Variants in ZSWIM5 observed in about 807,000 individuals in gnomAD.
ZSWIM5 encodes the protein zinc finger SWIM-type containing 5.
Under a neutral mutation model 119.6 loss-of-function variants are expected in ZSWIM5, and 55 were observed. The ratio of observed to expected loss-of-function variants is 0.46; its 90% CI spans 0.37 to 0.58. ZSWIM5 has a LOEUF of 0.58. Among genes scored for constraint, ZSWIM5 ranks in the 20% least tolerant of loss-of-function variants. The pLI is 0.00. For synonymous variants in ZSWIM5, 537 were observed against 606.9 expected (o/e 0.88, Z 1.69); for missense variants, 1,193 against 1,512.8 (o/e 0.79, Z 3.51).
intron 11 of ZSWIM5, among the ~76,000 whole-genome samples, chr1:45,023,246 C>T (rs921856823): frequency 6.6e-6 from 1 of 152,170 alleles, no homozygotes. Flanking sequence ...ATCTCTTTCT[C>T]CATTCCCTCT....
At chr1:45,105,026 G>A (rs533977411) in intron 1 of ZSWIM5, among the ~76,000 whole-genome samples, 2 of 152,310 alleles carry the variant, frequency 1.3e-5, no homozygotes, top group South Asian at 2.1e-4. Flanking sequence ...TCTTCGGCTC[G>A]CCGCAACCTC....
chr1:45,206,235 G>A lies in ZSWIM5; in HGVS notation c.116C>T (p.Ala39Val), dbSNP rs375749403. The change falls in exon 1 of 14, where the codon GCA becomes GTA. Residue 39 changes from alanine (A) to valine (V), a missense_variant. Ala to Val is a moderately conservative substitution (Grantham distance 64). Coordinates refer to ENST00000359600, the MANE Select transcript of ZSWIM5 (RefSeq NM_020883.2). ...QAHHPRGSPGAAGGGAGGVGS... is the reference protein window; with the variant it reads ...QAHHPRGSPGVAGGGAGGVGS... ...GACGCCCCCTGCCCCTCCGCCGGCT[G>A]CCCCAGGCGAACCGCGAGGGTGATG... 3.2e-6 allele frequency: 5 copies of A among 1,584,112 alleles called. No individual in the cohort carries two copies. In the South Asian group the frequency reaches 3.4e-5, roughly 11 times the overall value.
chr1:45,030,392 A>G (rs895515868), intron 11 of ZSWIM5, among the ~76,000 whole-genome samples: 1 of 152,002 alleles, frequency 6.6e-6, no homozygotes, highest in African/African-American at 2.4e-5. Flanking sequence ...GATTACAGGC[A>G]TGTGCCACCA....
At chr1:45,070,514 T>G in intron 2 of ZSWIM5, 5 of 664,890 alleles carry the variant, frequency 7.5e-6, no homozygotes, top group Non-Finnish European at 1.2e-5. Flanking sequence ...CCATCAAATT[T>G]GTAATATTCA....
chr1:45,028,185 C>G (rs1267574106), intron 11 of ZSWIM5, among the ~76,000 whole-genome samples: 1 of 152,168 alleles, frequency 6.6e-6, no homozygotes, highest in Admixed American at 6.5e-5. Flanking sequence ...TTCTTTGATG[C>G]ACAAAAGATT....
intron 2 of ZSWIM5, among the ~76,000 whole-genome samples, chr1:45,066,017 C>T (rs1270930973): frequency 1.7e-5 from 2 of 120,576 alleles, no homozygotes; most frequent in African/African-American, 6.2e-5. Context: ...CCCCCCTCCC[C>T]CCACCCCACA....
At chr1:45,085,449 G>A (rs968426021) in intron 2 of ZSWIM5, among the ~76,000 whole-genome samples, 3 of 151,912 alleles carry the variant, frequency 2.0e-5, no homozygotes, top group Non-Finnish European at 2.9e-5. Context: ...TCTACCATAC[G>A]GCCAGGCTGA....
At chr1:45,172,914 A>T (rs375157037) in intron 1 of ZSWIM5, among the ~76,000 whole-genome samples, 1 of 152,108 alleles carries the variant, frequency 6.6e-6, no homozygotes, top group South Asian at 2.1e-4. Flanking sequence ...CTATAATCCC[A>T]ATGCTTTCGG....
In ZSWIM5 at chr1:45,017,013, G is replaced by A. The variant is rs1031104581; in HGVS notation, c.*1441C>T. ...GAGGAAGCTTGAGGTAGAAAGGCAG[G>A]GGAAGAAAGCAAGTATGAGGCGAGA... is the stretch of plus-strand genomic sequence containing the variant. On this transcript the variant is annotated 3_prime_UTR_variant, in exon 14 of 14. Coordinates refer to ENST00000359600, the MANE Select transcript of ZSWIM5 (RefSeq NM_020883.2). 5 of 152,398 alleles carry A rather than the reference G, an allele frequency of 3.3e-5. No homozygotes were observed. The highest frequency in any genetic ancestry group is 1.2e-4 in the African/African-American group (5 of 41,450). 9.4% of individuals were successfully genotyped at this position (152,398 alleles called of 1,614,324 possible).
chr1:45,106,064 AGGTGAGGAGCGCCTCTGCACGGCCG>A (rs1431641529), intron 1 of ZSWIM5, among the ~76,000 whole-genome samples: 1 of 131,500 alleles, frequency 7.6e-6, no homozygotes, highest in African/African-American at 2.9e-5. Flanking sequence ...CCCGTCTGGG[AGGTGAGGAGCGCCTCTGCACGGCCG>A]CCCCGTCTGG....
chr1:45,164,854 A>G (rs1557785521), intron 1 of ZSWIM5, among the ~76,000 whole-genome samples: 5 of 152,162 alleles, frequency 3.3e-5, no homozygotes. Context: ...TTAGACTCCC[A>G]CACAATAATA....
intron 11 of ZSWIM5, among the ~76,000 whole-genome samples, chr1:45,022,917 C>T (rs970229459): frequency 3.3e-5 from 5 of 152,228 alleles, no homozygotes; most frequent in African/African-American, 1.2e-4. Flanking sequence ...AACATAGTGG[C>T]TTGTGCCCAG....
chr1:45,044,019 A>G (rs923853761), intron 5 of ZSWIM5, among the ~76,000 whole-genome samples: 3 of 152,058 alleles, frequency 2.0e-5, no homozygotes, highest in African/African-American at 7.2e-5. Flanking sequence ...CACTGTCTCT[A>G]CAAAAAATAA....
At chr1:45,137,791 G>A (rs1645698696) in intron 1 of ZSWIM5, among the ~76,000 whole-genome samples, 3 of 152,304 alleles carry the variant, frequency 2.0e-5, no homozygotes, top group East Asian at 1.9e-4. Context: ...TTGGAGTCTT[G>A]TAAACTATTG....
rs144019047 is a variant in ZSWIM5, at chr1:45,186,811, G to A, written c.595+18945C>T. 7.1e-3 allele frequency among the ~76,000 whole-genome samples: 1,075 copies of A among 152,082 alleles called. 4 individuals are homozygous for A. The highest frequency in any genetic ancestry group is 0.011 in the Non-Finnish European group (763 of 67,992). On this transcript the variant is annotated intron_variant, in intron 1 of 13. Coordinates refer to ENST00000359600, the MANE Select transcript of ZSWIM5 (RefSeq NM_020883.2). ...TTGCCATGTTGGCCAGGCTGGTCTCGAACTCCTGGCTTCAAGTGATCTACC... is the reference window on the plus strand; with the variant it reads ...TTGCCATGTTGGCCAGGCTGGTCTCAAACTCCTGGCTTCAAGTGATCTACC...
In ZSWIM5 at chr1:45,018,764, A is replaced by G; in HGVS notation, c.3248T>C (p.Val1083Ala). 1.9e-6 allele frequency: 3 copies of G among 1,614,214 alleles called. No homozygotes were observed. Among genetic ancestry groups the G allele is most frequent in the Non-Finnish European group, 2.5e-6 (3 of 1,180,036 alleles). The change falls in exon 14 of 14, where the codon GTG becomes GCG. Residue 1083 changes from valine to alanine, a missense_variant. Transcript: ENST00000359600. This position sits in a 1 kb window ranked among gnomAD's most constrained non-coding sequence, Gnocchi z 6.7. ...VLSDILRRCTVTAPGLAGIPG... is the reference protein window; with the variant it reads ...VLSDILRRCTATAPGLAGIPG... ...GATGCCGGCCAGGCCAGGTGCAGTCACTGTGCAGCGTCGTAAGATGTCTGA... is the reference window on the plus strand; with the variant it reads ...GATGCCGGCCAGGCCAGGTGCAGTCGCTGTGCAGCGTCGTAAGATGTCTGA...
At chr1:45,177,135 T>C (rs1028157422) in intron 1 of ZSWIM5, among the ~76,000 whole-genome samples, 5 of 152,092 alleles carry the variant, frequency 3.3e-5, no homozygotes, top group African/African-American at 1.2e-4. Context: ...ACCTCATAAT[T>C]AGCTATTTTG....
chr1:45,146,699 C>T (rs1557779788), intron 1 of ZSWIM5, among the ~76,000 whole-genome samples: 1 of 151,718 alleles, frequency 6.6e-6, no homozygotes. Flanking sequence ...CTCAGCCTTC[C>T]AAAGTTGTTT....
intron 2 of ZSWIM5, among the ~76,000 whole-genome samples, chr1:45,066,923 C>G (rs1258148687): frequency 6.6e-6 from 1 of 152,102 alleles, no homozygotes; most frequent in Non-Finnish European, 1.5e-5. Flanking sequence ...CAATATATTG[C>G]ATGTGGAATA....
Sources: allele counts gnomAD v4.1 joint callset (sites outside exome capture counted in the v4.1 genomes callset), GRCh38; gene constraint gnomAD v4.1.1; non-coding constraint Gnocchi (gnomAD v3.1); transcripts MANE v1.5; gene names NCBI Gene and HGNC (gene_info 2026-07-23, HGNC 2026-07-21).